Variants in MOB3B observed in about 807,000 individuals in gnomAD.
MOB3B encodes MOB kinase activator-like 2B.
MOB3B carries 7 observed loss-of-function variants against 18.7 expected under a neutral mutation model. The ratio of observed to expected loss-of-function variants is 0.37; its 90% CI spans 0.21 to 0.70. MOB3B has a LOEUF of 0.70. MOB3B is among the 30% of genes least tolerant of loss of function. MOB3B has a pLI of 0.52. For synonymous variants in MOB3B, 111 were observed against 99.9 expected (o/e 1.11, Z -0.66); for missense variants, 253 against 281.3 (o/e 0.90, Z 0.72).
intron 2 of MOB3B, among the ~76,000 whole-genome samples, chr9:27,386,811 T>C (rs189870935): frequency 2.3e-4 from 35 of 152,330 alleles, no homozygotes; most frequent in Non-Finnish European, 3.5e-4. Context: ...TCACAACTCT[T>C]GTGTTATATC....
At chr9:27,400,431 C>T (rs1208541919) in intron 2 of MOB3B, among the ~76,000 whole-genome samples, 1 of 152,174 alleles carries the variant, frequency 6.6e-6, no homozygotes, top group Non-Finnish European at 1.5e-5. Context: ...GTTCCCTTTG[C>T]CTGGAGGGCC....
intron 1 of MOB3B, among the ~76,000 whole-genome samples, chr9:27,502,760 A>G (rs1181601101): frequency 6.6e-6 from 1 of 152,228 alleles, no homozygotes; most frequent in African/African-American, 2.4e-5. Flanking sequence ...CAAGCCCTCA[A>G]TCCACCAGGA....
intron 2 of MOB3B, among the ~76,000 whole-genome samples, chr9:27,422,715 G>A (rs543704116): frequency 1.3e-5 from 2 of 152,264 alleles, no homozygotes; most frequent in South Asian, 4.1e-4. Flanking sequence ...GACAATCATA[G>A]GTCTTGTTGA....
intron 2 of MOB3B, among the ~76,000 whole-genome samples, chr9:27,417,348 A>G (rs1822167535): frequency 6.6e-6 from 1 of 152,016 alleles, no homozygotes. Context: ...TGGGCGACAG[A>G]GCGAGACTCC....
chr9:27,404,142 T>C (rs1347759836), intron 2 of MOB3B, among the ~76,000 whole-genome samples: 1 of 151,958 alleles, frequency 6.6e-6, no homozygotes, highest in Admixed American at 6.6e-5. Context: ...TCTCCATGAC[T>C]ACCCTTTTTT....
At chr9:27,347,265 C>A (rs1821041249) in intron 3 of MOB3B, among the ~76,000 whole-genome samples, 1 of 152,210 alleles carries the variant, frequency 6.6e-6, no homozygotes, top group Non-Finnish European at 1.5e-5. Flanking sequence ...AATTATAGAA[C>A]CTGTGTGCTA....
chr9:27,423,466 A>T (rs1822285585), intron 2 of MOB3B, among the ~76,000 whole-genome samples: 1 of 149,796 alleles, frequency 6.7e-6, no homozygotes, highest in African/African-American at 2.5e-5. Flanking sequence ...AACTGTTGGT[A>T]TGATGGCTAA....
chr9:27,344,267 A>T (rs7851721), intron 3 of MOB3B, among the ~76,000 whole-genome samples: 1 of 152,114 alleles, frequency 6.6e-6, no homozygotes, highest in African/African-American at 2.4e-5. Context: ...GTGCATGTTC[A>T]TGTGGGTGCT....
At chr9:27,350,971 C>T (rs1435205323) in intron 3 of MOB3B, among the ~76,000 whole-genome samples, 6 of 150,784 alleles carry the variant, frequency 4.0e-5, no homozygotes, top group South Asian at 4.2e-4. Flanking sequence ...GGCACGATCT[C>T]GGCTCACTGC....
chr9:27,498,360 C>G (rs10116539), intron 1 of MOB3B, among the ~76,000 whole-genome samples: 1 of 152,088 alleles, frequency 6.6e-6, no homozygotes, highest in African/African-American at 2.4e-5. Flanking sequence ...CTTTGGGAGT[C>G]GTATGAGCTG....
intron 1 of MOB3B, among the ~76,000 whole-genome samples, chr9:27,457,048 C>A (rs573734589): frequency 6.6e-6 from 1 of 152,174 alleles, no homozygotes; most frequent in East Asian, 1.9e-4. Context: ...CCAAGAGATA[C>A]AATTACTTGC....
At chr9:27,343,478 T>TAAAAAAAAAAAAAAAAAA (rs779124158) in intron 3 of MOB3B, among the ~76,000 whole-genome samples, 64 of 84,296 alleles carry the variant, frequency 7.6e-4, no homozygotes, top group African/African-American at 2.7e-3. Context: ...CAATAAATAC[T>TAAAAAAAAAAAAAAAAAA]AAAAAAAAAA....
At chr9:27,485,492 T>C (rs1819718498) in intron 1 of MOB3B, among the ~76,000 whole-genome samples, 1 of 152,218 alleles carries the variant, frequency 6.6e-6, no homozygotes, top group African/African-American at 2.4e-5. Flanking sequence ...AATGTCAGCA[T>C]TGCCTTGGGC....
At chr9:27,480,137 G>A (rs1248933038) in intron 1 of MOB3B, among the ~76,000 whole-genome samples, 2 of 150,238 alleles carry the variant, frequency 1.3e-5, no homozygotes, top group African/African-American at 2.4e-5. Context: ...AAATGGGAGA[G>A]AAGAAATAGA....
At chr9:27,493,437 G>A (rs886799006) in intron 1 of MOB3B, among the ~76,000 whole-genome samples, 13 of 152,192 alleles carry the variant, frequency 8.5e-5, no homozygotes, top group Non-Finnish European at 1.5e-4. Flanking sequence ...TCAGAAGATC[G>A]AGACCATCCT....
At chr9:27,495,251 AG>A (rs1203430251) in intron 1 of MOB3B, among the ~76,000 whole-genome samples, 3 of 152,112 alleles carry the variant, frequency 2.0e-5, no homozygotes, top group African/African-American at 7.2e-5. Flanking sequence ...GGATCACTTG[AG>A]CCCTGGAAGT....
At position 27,359,125 on chromosome 9, in the gene MOB3B, C is replaced by T. The variant is rs1232389629; in HGVS notation, c.530G>A (p.Gly177Asp). 1.2e-6 allele frequency: 2 copies of T among 1,614,062 alleles called. No homozygotes were observed. The highest frequency in any genetic ancestry group is 1.7e-6 in the Non-Finnish European group (2 of 1,180,008). Residue 177 changes from glycine to aspartate, a missense_variant, in exon 3 of 4, where the codon GGT (glycine) becomes GAT (aspartate). Transcript: ENST00000262244. ...GCAGGTGTTGACATGGGCCTCTGCA[C>T]CCATCACAATGACCCGGTCGAAGTG... ...IHHFDRVIVM[G>D]AEAHVNTCYK...
chr9:27,428,282 A>G (rs1280935170), intron 2 of MOB3B, among the ~76,000 whole-genome samples: 1 of 152,196 alleles, frequency 6.6e-6, no homozygotes, highest in East Asian at 1.9e-4. Context: ...ACCTAGGGAA[A>G]TTGTTAAAAT....
At chr9:27,354,191 A>G (rs927562415) in intron 3 of MOB3B, among the ~76,000 whole-genome samples, 4 of 152,250 alleles carry the variant, frequency 2.6e-5, no homozygotes, top group African/African-American at 9.6e-5. Flanking sequence ...TCACCAGGCT[A>G]GCCAGGGTGA....
Sources: gnomAD v4.1 joint callset for allele counts (sites outside exome capture counted in the v4.1 genomes callset) on GRCh38, gnomAD v4.1.1 for gene constraint, MANE v1.5 for transcripts, NCBI Gene and HGNC (gene_info 2026-07-23, HGNC 2026-07-21) for gene names.